SEPTIN7: variants seen among roughly 807,000 people sequenced by gnomAD.
SEPTIN7 encodes the protein septin-7.
In SEPTIN7, 10 loss-of-function variants were observed where a neutral mutation model predicts 63.3. The ratio of observed to expected loss-of-function variants is 0.16; its 90% CI spans 0.10 to 0.27. The LOEUF (loss-of-function observed/expected upper bound fraction) is 0.27. SEPTIN7 is among the 10% of genes least tolerant of loss of function. The pLI is 1.00. For synonymous variants in SEPTIN7, 131 were observed against 165.3 expected (o/e 0.79, Z 1.59); for missense variants, 310 against 521.0 (o/e 0.59, Z 3.94).
chr7:35,890,722 C>T lies in SEPTIN7; in HGVS notation c.927C>T (p.Tyr309=). Residue 309 remains tyrosine, a synonymous_variant, in exon 11 of 14, where the codon TAC becomes TAT. Transcript: ENST00000350320. ...DVTNNVHYEN[Y]RSRKLAAVTY... ...CTAATAATGTCCACTATGAGAACTA[C>T]AGAAGCAGAAAACTTGCAGCTGTGA... 1 of 1,599,916 alleles carries T rather than the reference C, an allele frequency of 6.3e-7. No individual in the cohort carries two copies. Among genetic ancestry groups the T allele is most frequent in the Non-Finnish European group, 8.5e-7 (1 of 1,174,996 alleles).
intron 9 of SEPTIN7, 44 bp downstream of exon 9, chr7:35,884,031 C>A: frequency 8.1e-7 from 1 of 1,230,862 alleles, no homozygotes; most frequent in Non-Finnish European, 1.2e-6. Context: ...TATCTCAAAA[C>A]TGATTAAAAA....
chr7:35,806,724 T>A (rs1788365182), intron 1 of SEPTIN7, among the ~76,000 whole-genome samples: 1 of 152,226 alleles, frequency 6.6e-6, no homozygotes, highest in Non-Finnish European at 1.5e-5. Context: ...TGATAAGATT[T>A]CTAATAGCCA....
intron 1 of SEPTIN7, among the ~76,000 whole-genome samples, chr7:35,808,099 A>G (rs10275479): frequency 0.48 from 73,451 of 151,764 alleles, 19,455 homozygotes; most frequent in African/African-American, 0.71. Flanking sequence ...TTACAGGTGC[A>G]AGCCACCGCA....
chr7:35,900,402 C>T (rs1345196917), intron 12 of SEPTIN7: 1 of 152,200 alleles, frequency 6.6e-6, no homozygotes, highest in Non-Finnish European at 1.5e-5. Flanking sequence ...CCAAAATGTG[C>T]ATACACACAC....
intron 1 of SEPTIN7, among the ~76,000 whole-genome samples, chr7:35,811,319 A>T (rs1265928586): frequency 6.6e-6 from 1 of 152,150 alleles, no homozygotes; most frequent in African/African-American, 2.4e-5. Flanking sequence ...TGTTCTCTCA[A>T]ATATTAACAT....
chr7:35,858,504 C>T (rs1018869748), intron 3 of SEPTIN7, among the ~76,000 whole-genome samples: 1 of 151,370 alleles, frequency 6.6e-6, no homozygotes, highest in African/African-American at 2.4e-5. Flanking sequence ...TACAGGCATG[C>T]CCTGCCACGC....
At chr7:35,903,518 T>G (rs1318491190) in intron 13 of SEPTIN7, among the ~76,000 whole-genome samples, 1 of 152,190 alleles carries the variant, frequency 6.6e-6, no homozygotes, top group African/African-American at 2.4e-5. Flanking sequence ...CCCCAGTTGT[T>G]GGACATAAGG....
chr7:35,890,111 A>G (rs1381475902), intron 10 of SEPTIN7, among the ~76,000 whole-genome samples: 1 of 152,216 alleles, frequency 6.6e-6, no homozygotes, highest in African/African-American at 2.4e-5. Context: ...TATTGATTTT[A>G]TATATGATAG....
chr7:35,818,855 T>G (rs956139754), intron 1 of SEPTIN7, among the ~76,000 whole-genome samples: 11 of 149,280 alleles, frequency 7.4e-5, no homozygotes, highest in South Asian at 2.1e-4. Flanking sequence ...AGTGTTCTGG[T>G]TTTTTTTTTC....
At chr7:35,801,955 C>A (rs920787717) in intron 1 of SEPTIN7, among the ~76,000 whole-genome samples, 2 of 151,906 alleles carry the variant, frequency 1.3e-5, no homozygotes, top group African/African-American at 2.4e-5. Flanking sequence ...GGATGGCGGG[C>A]GAGTCTTGAG....
intron 3 of SEPTIN7, among the ~76,000 whole-genome samples, chr7:35,837,778 C>CTGGA (rs1784149763): frequency 2.6e-5 from 4 of 152,266 alleles, no homozygotes; most frequent in African/African-American, 9.6e-5. Context: ...GTTGTCCAGG[C>CTGGA]TGGAGTGCAG....
At chr7:35,816,289 A>G (rs2115751967) in intron 1 of SEPTIN7, among the ~76,000 whole-genome samples, 1 of 152,064 alleles carries the variant, frequency 6.6e-6, no homozygotes, top group Admixed American at 6.5e-5. Flanking sequence ...GTTTCTATGG[A>G]TTTGTCTATC....
At chr7:35,808,662 T>C (rs1263884545) in intron 1 of SEPTIN7, among the ~76,000 whole-genome samples, 1 of 152,230 alleles carries the variant, frequency 6.6e-6, no homozygotes, top group African/African-American at 2.4e-5. Context: ...CCTAACATAG[T>C]AGAAGGAGCA....
chr7:35,871,128 A>G (rs1418896962), intron 4 of SEPTIN7, among the ~76,000 whole-genome samples: 2 of 152,224 alleles, frequency 1.3e-5, no homozygotes, highest in African/African-American at 4.8e-5. Context: ...TATTTGGTGG[A>G]TAAATATCTT....
intron 4 of SEPTIN7, among the ~76,000 whole-genome samples, chr7:35,869,910 C>G (rs967054204): frequency 6.6e-6 from 1 of 152,068 alleles, no homozygotes; most frequent in African/African-American, 2.4e-5. Flanking sequence ...CTTAGAGAAC[C>G]CTGAGTGATG....
At chr7:35,818,517 T>G (rs1395149135) in intron 1 of SEPTIN7, among the ~76,000 whole-genome samples, 4 of 152,068 alleles carry the variant, frequency 2.6e-5, no homozygotes, top group African/African-American at 4.8e-5. Context: ...CTTGGACTAG[T>G]TTTTGAAGGA....
rs1223037866 is a variant in SEPTIN7 at position 35,849,806 on chromosome 7, C to G, written c.170-13746C>G. ...GATCAGTAAAAGGCCTTCTGGTTGT[C>G]TTTTTCTTTAACTTATTTGGCATTA... is the stretch of plus-strand genomic sequence containing the variant. On this transcript the variant is annotated intron_variant, in intron 3 of 13. Transcript: ENST00000350320. 2.0e-5 allele frequency among the ~76,000 whole-genome samples: 3 copies of G among 152,156 alleles called. No homozygotes were observed. The East Asian group carries it at 5.8e-4, about 29-fold the overall frequency.
At chr7:35,847,465 T>C (rs576599787) in intron 3 of SEPTIN7, 276 of 154,770 alleles carry the variant, frequency 1.8e-3, no homozygotes, top group Admixed American at 1.8e-3. Flanking sequence ...AAATCTCTTT[T>C]AAATGTCAAA....
At chr7:35,901,899 G>C (rs1472768771) in intron 12 of SEPTIN7, 1 of 151,978 alleles carries the variant, frequency 6.6e-6, no homozygotes, top group Non-Finnish European at 1.5e-5. Context: ...TATCACCTCA[G>C]ATTTGATTCA....
Sources: allele counts gnomAD v4.1 joint callset (sites outside exome capture counted in the v4.1 genomes callset), GRCh38; gene constraint gnomAD v4.1.1; transcripts MANE v1.5; gene names NCBI Gene and HGNC (gene_info 2026-07-23, HGNC 2026-07-21).